PRR11: variants seen among roughly 807,000 people sequenced by gnomAD.
PRR11 encodes proline-rich protein 11.
PRR11 carries 30 observed loss-of-function variants against 45.6 expected under a neutral mutation model. That is an observed-to-expected ratio of 0.66 (90% CI 0.49 to 0.89). The LOEUF is 0.89. Among genes scored for constraint, PRR11 ranks in the 40% least tolerant of loss-of-function variants. PRR11 has a pLI of 0.00. For synonymous variants in PRR11, 128 were observed against 153.5 expected, an observed-to-expected ratio of 0.83 and a Z score of 1.23; for missense variants, 373 against 424.8, an observed-to-expected ratio of 0.88 and a Z score of 1.07.
At chr17:59,199,450 G>A (rs1056698664) in intron 9 of PRR11, among the ~76,000 whole-genome samples, 20 of 152,172 alleles carry the variant, frequency 1.3e-4, no homozygotes, top group Non-Finnish European at 2.5e-4. Context: ...GAGTTGAAAG[G>A]AAAAGGTCTT....
chr17:59,178,434 A>C, intron 2 of PRR11: 1 of 494,570 alleles, frequency 2.0e-6, no homozygotes, highest in Non-Finnish European at 4.0e-6. Context: ...CTGGCAGTGC[A>C]CTGAAGCAGG....
At chr17:59,182,138 A>C (rs1184671207) in intron 2 of PRR11, among the ~76,000 whole-genome samples, 2 of 150,214 alleles carry the variant, frequency 1.3e-5, no homozygotes, top group Admixed American at 6.7e-5. Flanking sequence ...AGTTATTCTC[A>C]TGCCTCAGCC....
intron 2 of PRR11, among the ~76,000 whole-genome samples, chr17:59,179,398 A>G (rs2046768235): frequency 6.6e-6 from 1 of 152,092 alleles, no homozygotes; most frequent in African/African-American, 2.4e-5. Context: ...CAGCCTGCCA[A>G]CATGCTGGGA....
At chr17:59,175,768 TGTG>T (rs1169996097) in intron 2 of PRR11, among the ~76,000 whole-genome samples, 2 of 151,992 alleles carry the variant, frequency 1.3e-5, no homozygotes, top group Non-Finnish European at 2.9e-5. Context: ...ACTGTCCAGG[TGTG>T]GTGTCACAGC....
chr17:59,187,301 C>T (rs1484734261), intron 4 of PRR11, among the ~76,000 whole-genome samples: 3 of 152,120 alleles, frequency 2.0e-5, no homozygotes, highest in Non-Finnish European at 4.4e-5. Flanking sequence ...GGGCTGGGCG[C>T]GGTGGCTTAC....
In PRR11 at chr17:59,206,235, G is replaced by A. The variant is rs2046917615; in HGVS notation, c.*4604G>A. 6.6e-6 allele frequency among the ~76,000 whole-genome samples: 1 copy of A among 152,000 alleles called. No individual in the cohort carries two copies. The highest frequency in any genetic ancestry group is 2.1e-4 in the South Asian group (1 of 4,820). ...CGAAAAATTAGCCGGGAGCGGTGAT[G>A]TGTGCCTGTAGTCCCAGCTACTCAG... On this transcript the variant is annotated 3_prime_UTR_variant, in exon 10 of 10. Coordinates refer to ENST00000262293, the MANE Select transcript of PRR11 (RefSeq NM_018304.4).
intron 5 of PRR11, among the ~76,000 whole-genome samples, chr17:59,194,265 C>CACACA (rs2046853892): frequency 3.3e-5 from 3 of 90,440 alleles, no homozygotes; most frequent in African/African-American, 2.0e-4. Flanking sequence ...TCTTCCCAAT[C>CACACA]CTCACACACA....
At position 59,162,682 on chromosome 17, in the gene PRR11, T is replaced by C. The variant is rs187476324; in HGVS notation, c.-6+6877T>C. 3.9e-5 allele frequency among the ~76,000 whole-genome samples: 6 copies of C among 152,008 alleles called. No homozygotes were observed. In the East Asian group the frequency reaches 1.2e-3, roughly 29 times the overall value. ...TGATTTTTTTTTCAAGTGTAGGCAC[T>C]ATATAAATTTAGACAAATACTGACT... On this transcript the variant is annotated intron_variant, in intron 1 of 9. Coordinates refer to ENST00000262293, the MANE Select transcript of PRR11 (RefSeq NM_018304.4).
chr17:59,178,825 A>G lies in PRR11; in HGVS notation c.129-6229A>G, dbSNP rs146950080. ...GACACAGAGGGACCACTGCAGAGTC[A>G]TAAAGGAATTCCCATCATTTCCTCA... On this transcript the variant is annotated intron_variant, in intron 2 of 9. Coordinates refer to ENST00000262293, the MANE Select transcript of PRR11 (RefSeq NM_018304.4). Among the ~76,000 whole-genome samples, 124 of 152,302 alleles carry G rather than the reference A, an allele frequency of 8.1e-4. 1 individual carries two copies. The highest frequency in any genetic ancestry group is 2.8e-3 in the African/African-American group (116 of 41,568).
intron 1 of PRR11, among the ~76,000 whole-genome samples, chr17:59,166,893 G>T (rs1326846635): frequency 1.3e-5 from 2 of 152,090 alleles, no homozygotes; most frequent in African/African-American, 4.8e-5. Context: ...ACCGGGCGCG[G>T]TGGCTTATGC....
At chr17:59,178,995 A>G (rs1431165950) in intron 2 of PRR11, among the ~76,000 whole-genome samples, 2 of 151,978 alleles carry the variant, frequency 1.3e-5, no homozygotes, top group East Asian at 1.9e-4. Context: ...ATTGTGATTT[A>G]TTGATTTATT....
intron 1 of PRR11, 84 bp from the exon 2 acceptor site, chr17:59,169,664 C>A: frequency 2.4e-6 from 3 of 1,235,398 alleles, no homozygotes; most frequent in Non-Finnish European, 3.3e-6. Context: ...TGGTATAATT[C>A]ATTAACTATA....
chr17:59,177,310 T>A (rs2046753237), intron 2 of PRR11: 2 of 541,794 alleles, frequency 3.7e-6, no homozygotes, highest in South Asian at 2.8e-5. Flanking sequence ...GAGAGGAAGA[T>A]CGTGGAGACA....
intron 1 of PRR11, among the ~76,000 whole-genome samples, chr17:59,156,656 CTTTT>C (rs869165501): frequency 2.8e-5 from 4 of 142,240 alleles, no homozygotes; most frequent in Non-Finnish European, 4.6e-5. Flanking sequence ...CTCTTTCTTT[CTTTT>C]TTTTTTTTTT....
chr17:59,169,915 G>C, intron 2 of PRR11, 35 bp downstream of exon 2: 1 of 1,576,892 alleles, frequency 6.3e-7, no homozygotes, highest in Non-Finnish European at 8.6e-7. Flanking sequence ...AAATATTAGA[G>C]AGATCTGATC....
At chr17:59,161,227 C>T (rs1282221240) in intron 1 of PRR11, among the ~76,000 whole-genome samples, 8 of 151,742 alleles carry the variant, frequency 5.3e-5, no homozygotes, top group African/African-American at 1.7e-4. Context: ...GCCAACATGG[C>T]GAAACCCCAT....
intron 2 of PRR11, among the ~76,000 whole-genome samples, chr17:59,182,833 G>A (rs1283389045): frequency 6.6e-6 from 1 of 152,138 alleles, no homozygotes; most frequent in Admixed American, 6.5e-5. Context: ...TCCTCATCCT[G>A]GGGGTGCGGT....
At chr17:59,193,015 A>G (rs2147853712) in intron 4 of PRR11, among the ~76,000 whole-genome samples, 1 of 152,228 alleles carries the variant, frequency 6.6e-6, no homozygotes, top group South Asian at 2.1e-4. Flanking sequence ...CCAAGCCTCC[A>G]GCTGTTCATG....
intron 1 of PRR11, among the ~76,000 whole-genome samples, chr17:59,158,215 G>A (rs1374588207): frequency 6.6e-6 from 1 of 152,118 alleles, no homozygotes; most frequent in African/African-American, 2.4e-5. Flanking sequence ...GACTGACTTG[G>A]ACTCTTCAAA....
Sources: gnomAD v4.1 joint callset for allele counts (sites outside exome capture counted in the v4.1 genomes callset) on GRCh38, gnomAD v4.1.1 for gene constraint, MANE v1.5 for transcripts, NCBI Gene and HGNC (gene_info 2026-07-23, HGNC 2026-07-21) for gene names.